The following SVIL variants were observed in gnomAD, a reference collection of about 807,000 sequenced individuals.
SVIL encodes the protein supervillin.
SVIL carries 101 observed loss-of-function variants against 240.4 expected under a neutral mutation model. The observed-to-expected ratio is 0.42, with a 90% CI of 0.36 to 0.50. The LOEUF (loss-of-function observed/expected upper bound fraction) is 0.50, where lower values mean the gene tolerates loss of function less well. Ranked by LOEUF, SVIL falls within the 20% of genes least tolerant of loss-of-function variation. SVIL has a pLI of 0.01. For synonymous variants in SVIL, 999 were observed against 1,100.0 expected, an observed-to-expected ratio of 0.91 and a Z score of 1.82; for missense variants, 2,512 against 2,818.7, an observed-to-expected ratio of 0.89 and a Z score of 2.46.
chr10:29,493,626 C>T (rs1948167620), intron 20 of SVIL, among the ~76,000 whole-genome samples: 3 of 152,088 alleles, frequency 2.0e-5, no homozygotes, highest in Non-Finnish European at 4.4e-5. Context: ...GACCATACTG[C>T]ACACACGCGC....
intron 26 of SVIL, among the ~76,000 whole-genome samples, chr10:29,485,403 A>G (rs181598802): frequency 1.3e-5 from 2 of 152,388 alleles, no homozygotes; most frequent in African/African-American, 4.8e-5. Flanking sequence ...TCTTTCTCCT[A>G]GAATGAGTTC....
chr10:29,601,767 T>C (rs1292187244), intron 1 of SVIL, among the ~76,000 whole-genome samples: 1 of 152,242 alleles, frequency 6.6e-6, no homozygotes, highest in Non-Finnish European at 1.5e-5. Context: ...TAAGGATTGA[T>C]GACATTCACA....
At chr10:29,606,944 G>A (rs1011743878) in intron 1 of SVIL, among the ~76,000 whole-genome samples, 3 of 152,098 alleles carry the variant, frequency 2.0e-5, no homozygotes, top group Non-Finnish European at 4.4e-5. Flanking sequence ...TAGTAGAGAC[G>A]AGGTTTCACC....
chr10:29,571,689 C>T (rs943149914), intron 1 of SVIL, among the ~76,000 whole-genome samples: 1 of 152,156 alleles, frequency 6.6e-6, no homozygotes, highest in Non-Finnish European at 1.5e-5. Flanking sequence ...TAATTTTAAC[C>T]ACAATATGTA....
chr10:29,466,232 CATAT>C lies in SVIL; in HGVS notation c.5978-486_5978-483del, dbSNP rs10552505. ...CATACACATATGTAACATAAATATG[CATAT>C]ATGTTATATAACATAAATATACATA... On this transcript the variant is annotated intron_variant, in intron 33 of 37. Transcript: ENST00000355867. Among the ~76,000 whole-genome samples, 750 of 151,172 alleles carry C rather than the reference CATAT, an allele frequency of 5.0e-3. 8 individuals carry two copies. The highest frequency in any genetic ancestry group is 0.017 in the African/African-American group (692 of 41,278).
At chr10:29,598,762 A>G (rs1486570615) in intron 1 of SVIL, among the ~76,000 whole-genome samples, 2 of 152,250 alleles carry the variant, frequency 1.3e-5, no homozygotes, top group African/African-American at 4.8e-5. Flanking sequence ...CCTTTTTAGA[A>G]TAATGTGAAA....
intron 6 of SVIL, among the ~76,000 whole-genome samples, chr10:29,547,292 A>G (rs1283910581): frequency 6.6e-6 from 1 of 152,186 alleles, no homozygotes; most frequent in East Asian, 1.9e-4. Flanking sequence ...CACATTTTCC[A>G]TCCCTCTTTA....
intron 2 of SVIL, among the ~76,000 whole-genome samples, chr10:29,662,190 C>T (rs1297308172): frequency 6.6e-6 from 1 of 152,184 alleles, no homozygotes; most frequent in Non-Finnish European, 1.5e-5. Context: ...GACATTTTCA[C>T]AGAGCCTTAG....
At chr10:29,532,410 C>G in intron 8 of SVIL, 119 bp downstream of exon 8, 2 of 1,445,026 alleles carry the variant, frequency 1.4e-6, no homozygotes, top group African/African-American at 1.4e-5. Context: ...TCGCCCTGCA[C>G]GCACTTGTGA....
chr10:29,702,917 G>A (rs559508361), intron 1 of SVIL, among the ~76,000 whole-genome samples: 5 of 152,244 alleles, frequency 3.3e-5, no homozygotes, highest in African/African-American at 1.2e-4. Flanking sequence ...ACCTGGCCCA[G>A]ATTCTAAGGC....
In SVIL at chr10:29,550,801, C is replaced by A. The variant is rs1953248803; in HGVS notation, c.623G>T (p.Gly208Val). 1 of 1,614,106 alleles carries A rather than the reference C, an allele frequency of 6.2e-7. No individual in the cohort carries two copies. The highest frequency in any genetic ancestry group is 8.5e-7 in the Non-Finnish European group (1 of 1,180,026). ...CTGCCGGGTGGCACTCAGCTCTTGA[C>A]CTCGTCTTTGGTTTTCTATGTTCAG... ...VLLNIENQRR[G>V]QELSATRQAH... The change falls in exon 6 of 38, where the codon GGT (glycine) becomes GTT (valine). Residue 208 changes from glycine (G) to valine (V), a missense_variant. Physicochemically the swap from Gly to Val is moderately radical, Grantham distance 109. Transcript: ENST00000355867.
chr10:29,532,885 T>C lies in SVIL; in HGVS notation c.1482A>G (p.Glu494=). The C allele has an allele frequency of 1.9e-6, 3 of 1,614,142 alleles. No homozygotes were observed. Among genetic ancestry groups the C allele is most frequent in the Non-Finnish European group, 1.7e-6 (2 of 1,180,006 alleles). ...GAGCTTGAGGGGGTTGTGCCACGTT[T>C]TCCAGTTCCTTCTGATGCTCTAAGG... is the stretch of plus-strand genomic sequence containing the variant. The part of the protein sequence containing the change: ...TVTLEHQKEL[E]NVAQPPQAPH... The change falls in exon 8 of 38, where the codon GAA becomes GAG. Residue 494 remains glutamate (E), a synonymous_variant. Coordinates refer to ENST00000355867, the MANE Select transcript of SVIL (RefSeq NM_021738.3).
At chr10:29,528,562 A>T (rs1951105118) in intron 12 of SVIL, among the ~76,000 whole-genome samples, 1 of 151,726 alleles carries the variant, frequency 6.6e-6, no homozygotes, top group Non-Finnish European at 1.5e-5. Context: ...AACATGGCAA[A>T]ACCCCATCAC....
At position 29,530,356 on chromosome 10, in the gene SVIL, G is replaced by A. The variant is rs558495914; in HGVS notation, c.2106+251C>T. Among the ~76,000 whole-genome samples the A allele has an allele frequency of 2.0e-5, 3 of 152,280 alleles. No individual in the cohort carries two copies. The East Asian group carries it at 5.8e-4, about 29-fold the overall frequency. On this transcript the variant is annotated intron_variant, in intron 11 of 37. Coordinates refer to ENST00000355867, the MANE Select transcript of SVIL (RefSeq NM_021738.3). ...GCCACAACCAGCCAAAGATTAGGAA[G>A]AGAACAACAGGTGGGCCAGAGGCAG...
chr10:29,640,534 G>C (rs1034816136), intron 3 of SVIL, among the ~76,000 whole-genome samples: 2 of 152,140 alleles, frequency 1.3e-5, no homozygotes, highest in African/African-American at 4.8e-5. Flanking sequence ...CTGAAGTTCA[G>C]CAAACCAGGA....
intron 1 of SVIL, among the ~76,000 whole-genome samples, chr10:29,596,478 GA>G (rs200846142): frequency 3.3e-5 from 5 of 151,236 alleles, no homozygotes; most frequent in East Asian, 1.9e-4. Context: ...GTCTGTAAAA[GA>G]AAAAAAAATT....
intron 5 of SVIL, among the ~76,000 whole-genome samples, chr10:29,553,821 A>G (rs1953625301): frequency 6.6e-6 from 1 of 152,234 alleles, no homozygotes; most frequent in African/African-American, 2.4e-5. Context: ...AAGATAACTT[A>G]GATAGAAAGT....
chr10:29,653,653 A>G (rs190981523), intron 3 of SVIL, among the ~76,000 whole-genome samples: 9 of 152,236 alleles, frequency 5.9e-5, no homozygotes, highest in African/African-American at 1.7e-4. Flanking sequence ...ATTTGTATCT[A>G]TGCTTTTTCT....
intron 1 of SVIL, among the ~76,000 whole-genome samples, chr10:29,690,820 T>C (rs1659051473): frequency 2.0e-5 from 3 of 152,258 alleles, no homozygotes; most frequent in Non-Finnish European, 4.4e-5. Context: ...TTGCATATTG[T>C]GATTAGTTCC....
Sources: gnomAD v4.1 joint callset for allele counts (sites outside exome capture counted in the v4.1 genomes callset) on GRCh38, gnomAD v4.1.1 for gene constraint, MANE v1.5 for transcripts, NCBI Gene and HGNC (gene_info 2026-07-23, HGNC 2026-07-21) for gene names.